SNX1: variants seen among roughly 807,000 people sequenced by gnomAD.
SNX1 encodes the protein sorting nexin-1.
SNX1 carries 36 observed loss-of-function variants against 71.8 expected under a neutral mutation model. That is an observed-to-expected ratio of 0.50 (90% CI 0.38 to 0.66). SNX1 has a LOEUF of 0.66. SNX1 is among the 30% of genes least tolerant of loss of function. SNX1 has a pLI of 0.00. For synonymous variants in SNX1, 254 were observed against 240.7 expected, an observed-to-expected ratio of 1.06 and a Z score of -0.51; for missense variants, 612 against 646.7, an observed-to-expected ratio of 0.95 and a Z score of 0.58.
chr15:64,143,652 GT>G lies in SNX1; in HGVS notation c.*6035del, dbSNP rs751578242. 2.6e-5 allele frequency: 4 copies of G among 152,316 alleles called. No homozygotes were observed. Among genetic ancestry groups the G allele is most frequent in the Non-Finnish European group, 5.9e-5 (4 of 68,040 alleles). 9.4% of individuals were successfully genotyped at this position (152,316 alleles called of 1,614,324 possible). The stretch of plus-strand genomic sequence containing the variant: ...GGAGGCTGGGTTAATGCTGGGCTTG[GT>G]ACCTTAAGCACCCTTTCTCCCTTCC... On this transcript the variant is annotated 3_prime_UTR_variant, in exon 15 of 15. Transcript: ENST00000559844.
intron 4 of SNX1, among the ~76,000 whole-genome samples, chr15:64,119,352 C>G (rs2081167278): frequency 2.0e-5 from 3 of 152,014 alleles, no homozygotes; most frequent in African/African-American, 7.3e-5. Context: ...AAACTCCTGG[C>G]CTCAAGTGAT....
chr15:64,120,742 G>T (rs527792064), intron 4 of SNX1, among the ~76,000 whole-genome samples: 1 of 152,138 alleles, frequency 6.6e-6, no homozygotes, highest in African/African-American at 2.4e-5. Context: ...TTGGGAGGCC[G>T]AGGTGGGAGG....
At chr15:64,114,699 C>T (rs8041372) in intron 2 of SNX1, among the ~76,000 whole-genome samples, 109,466 of 152,050 alleles carry the variant, frequency 0.72, 40,067 homozygotes, top group East Asian at 0.81. Context: ...ACGACTCTTA[C>T]GTTAGAACCT....
At position 64,138,310 on chromosome 15, in the gene SNX1, A is replaced by T; in HGVS notation, c.*692A>T. The T allele has an allele frequency of 1.1e-6, 1 of 938,020 alleles. No homozygotes were observed. Among genetic ancestry groups the T allele is most frequent in the Non-Finnish European group, 1.5e-6 (1 of 676,622 alleles). The allele number at this position is 938,020 out of a possible 1,614,324, so 58.1% of individuals were successfully genotyped here. ...ACCTATTCTCCTGCAAAGGAGGCAGAGACTTTCTCTCTCTCTTTTTTTTTT... is the reference window on the plus strand; with the variant it reads ...ACCTATTCTCCTGCAAAGGAGGCAGTGACTTTCTCTCTCTCTTTTTTTTTT... On this transcript the variant is annotated 3_prime_UTR_variant, in exon 15 of 15. Transcript: ENST00000559844.
In SNX1 at chr15:64,135,830, G is replaced by A. The variant is rs144467284; in HGVS notation, c.1366-500G>A. On this transcript the variant is annotated intron_variant, in intron 12 of 14. Coordinates refer to ENST00000559844, the MANE Select transcript of SNX1 (RefSeq NM_003099.5). ...CTAGCTACTCAGGAGGCTGAGGCACGAGAACCGCTTGAACCTGAGAGGCAG... is the reference window on the plus strand; with the variant it reads ...CTAGCTACTCAGGAGGCTGAGGCACAAGAACCGCTTGAACCTGAGAGGCAG... Among the ~76,000 whole-genome samples, 628 of 151,792 alleles carry A rather than the reference G, an allele frequency of 4.1e-3. 1 individual carries two copies. Among genetic ancestry groups the A allele is most frequent in the Non-Finnish European group, 6.9e-3 (466 of 67,940 alleles).
intron 11 of SNX1, among the ~76,000 whole-genome samples, chr15:64,133,668 T>C (rs781133939): frequency 4.6e-5 from 7 of 152,220 alleles, no homozygotes; most frequent in Non-Finnish European, 1.0e-4. Flanking sequence ...AGGTGGAGGT[T>C]GCAGTGCAGT....
In SNX1 at chr15:64,136,562, T is replaced by C. The variant is rs1280295497; in HGVS notation, c.1446+152T>C. Reference sequence around the variant, plus strand: ...TGGCCTTCTTTGGGGGGGTGTGTGCTTGATCCTAGGAACAGTGGCAATCTT... The same window carrying C: ...TGGCCTTCTTTGGGGGGGTGTGTGCCTGATCCTAGGAACAGTGGCAATCTT... On this transcript the variant is annotated intron_variant, in intron 13 of 14. Transcript: ENST00000559844. 14 of 702,832 alleles carry C rather than the reference T, an allele frequency of 2.0e-5. No individual in the cohort carries two copies. In the Admixed American group the frequency reaches 2.6e-4, roughly 13 times the overall value. 43.5% of individuals were successfully genotyped at this position (702,832 alleles called of 1,614,324 possible). A position where few individuals can be genotyped will look rare whatever the true frequency, so the allele number is the denominator to read the frequency against.
At chr15:64,118,053 A>T (rs538325163) in intron 2 of SNX1, 64 bp from the exon 3 acceptor site, 50 of 1,515,160 alleles carry the variant, frequency 3.3e-5, no homozygotes, top group Non-Finnish European at 4.2e-5. Context: ...TTCTTAGCCT[A>T]TACAAGTTTA....
At chr15:64,118,472 C>T (rs376269452) in intron 3 of SNX1, among the ~76,000 whole-genome samples, 2 of 152,198 alleles carry the variant, frequency 1.3e-5, no homozygotes, top group Non-Finnish European at 2.9e-5. Flanking sequence ...ACTTAGTGTG[C>T]GAAGCTTCCA....
chr15:64,129,586 C>G lies in SNX1; in HGVS notation c.808-330C>G, dbSNP rs1309539624. ...ATCCAAGGGAACTTTTGACTTTTAACAAGAGTATGCTTGGTACTTAAGCAG... is the reference window on the plus strand; with the variant it reads ...ATCCAAGGGAACTTTTGACTTTTAAGAAGAGTATGCTTGGTACTTAAGCAG... On this transcript the variant is annotated intron_variant, in intron 8 of 14. Coordinates refer to ENST00000559844, the MANE Select transcript of SNX1 (RefSeq NM_003099.5). This position sits in a 1 kb window ranked among gnomAD's most constrained non-coding sequence, Gnocchi z 4.4. Among the ~76,000 whole-genome samples, 1 of 152,202 alleles carries G rather than the reference C, an allele frequency of 6.6e-6. No individual in the cohort carries two copies. The highest frequency in any genetic ancestry group is 1.5e-5 in the Non-Finnish European group (1 of 68,028).
intron 1 of SNX1, among the ~76,000 whole-genome samples, chr15:64,102,369 C>G (rs1358008844): frequency 9.1e-6 from 1 of 109,298 alleles, no homozygotes; most frequent in East Asian, 3.8e-4. Flanking sequence ...TATTCATCAC[C>G]TCAAACATTT....
Position 64,101,397 on chromosome 15 carries a change from C to T in SNX1, c.159+5225C>T, listed in dbSNP as rs538808412. 2.6e-5 allele frequency among the ~76,000 whole-genome samples: 4 copies of T among 152,298 alleles called. No individual in the cohort carries two copies. The South Asian group carries it at 6.2e-4, about 24-fold the overall frequency. On this transcript the variant is annotated intron_variant, in intron 1 of 14. Transcript: ENST00000559844. ...TTTGTGACTGGCTTATTTTACTTAG[C>T]ACAGTGTCCTCAAGGTTCATCCATG...
chr15:64,119,550 C>A (rs1311577171), intron 4 of SNX1, among the ~76,000 whole-genome samples: 1 of 151,986 alleles, frequency 6.6e-6, no homozygotes, highest in Admixed American at 6.6e-5. Flanking sequence ...ATGGTGAAAC[C>A]CCATCTATAC....
chr15:64,124,221 T>C (rs2081226594), intron 5 of SNX1, among the ~76,000 whole-genome samples: 2 of 146,766 alleles, frequency 1.4e-5, no homozygotes, highest in South Asian at 2.3e-4. Context: ...AATAGTATCA[T>C]GGGGGCCGGT....
chr15:64,099,960 C>T (rs540420081), intron 1 of SNX1, among the ~76,000 whole-genome samples: 18 of 152,318 alleles, frequency 1.2e-4, no homozygotes, highest in Admixed American at 1.0e-3. Flanking sequence ...GATCTGCCTG[C>T]CTTGGTATCC....
At chr15:64,098,063 C>T (rs2080921476) in intron 1 of SNX1, among the ~76,000 whole-genome samples, 1 of 152,226 alleles carries the variant, frequency 6.6e-6, no homozygotes, top group African/African-American at 2.4e-5. Flanking sequence ...GAGACATAGT[C>T]TCCCTGTGTT....
At chr15:64,109,954 C>T (rs911136591) in intron 1 of SNX1, among the ~76,000 whole-genome samples, 1 of 152,310 alleles carries the variant, frequency 6.6e-6, no homozygotes, top group South Asian at 2.1e-4. Context: ...TTTGATACCA[C>T]AATTCTACTT....
At chr15:64,115,433 GTCTC>G (rs1444577349) in intron 2 of SNX1, among the ~76,000 whole-genome samples, 1 of 152,188 alleles carries the variant, frequency 6.6e-6, no homozygotes, top group Non-Finnish European at 1.5e-5. Context: ...GATGATCAGA[GTCTC>G]TCATGGAGCC....
chr15:64,104,473 C>A (rs958353561), intron 1 of SNX1, among the ~76,000 whole-genome samples: 12 of 152,034 alleles, frequency 7.9e-5, no homozygotes, highest in Non-Finnish European at 1.5e-5. Context: ...CAGGGTTTCA[C>A]CGTGTTAGCC....
Sources: allele counts gnomAD v4.1 joint callset (sites outside exome capture counted in the v4.1 genomes callset), GRCh38; gene constraint gnomAD v4.1.1; non-coding constraint Gnocchi (gnomAD v3.1); transcripts MANE v1.5; gene names NCBI Gene and HGNC (gene_info 2026-07-23, HGNC 2026-07-21).